Variants in SYN3 observed in about 807,000 individuals in gnomAD.
SYN3 encodes synapsin-3.
In SYN3, 35 loss-of-function variants were observed where a neutral mutation model predicts 65.8. The observed-to-expected ratio is 0.53, with a 90% CI of 0.41 to 0.70. The LOEUF (loss-of-function observed/expected upper bound fraction) is 0.70, where lower values mean the gene tolerates loss of function less well. Ranked by LOEUF, SYN3 falls within the 30% of genes least tolerant of loss-of-function variation. SYN3 has a pLI of 0.00. For synonymous variants in SYN3, 270 were observed against 292.9 expected, an observed-to-expected ratio of 0.92 and a Z score of 0.80; for missense variants, 680 against 749.0, an observed-to-expected ratio of 0.91 and a Z score of 1.08.
At chr22:32,651,171 C>T (rs561585754) in intron 6 of SYN3, among the ~76,000 whole-genome samples, 1 of 152,278 alleles carries the variant, frequency 6.6e-6, no homozygotes, top group South Asian at 2.1e-4. Context: ...TTCTTGGGAC[C>T]TCACTAAGGA....
chr22:32,902,836 A>C (rs972198229), intron 4 of SYN3, among the ~76,000 whole-genome samples: 1 of 151,680 alleles, frequency 6.6e-6, no homozygotes. Flanking sequence ...AGAGTTTGCA[A>C]AACAGTATGC....
rs142803609 is a variant in SYN3, at chr22:32,650,258, CCT to C, written c.712-53524_712-53523del. On this transcript the variant is annotated intron_variant, in intron 6 of 13. Transcript: ENST00000358763. ...CCCTCCCTCCCTCCCTCCCTCCCTC[CCT>C]CTCTCTCTCTCTCTCTTTCTTTTTG... is the stretch of plus-strand genomic sequence containing the variant. 8.0e-3 allele frequency among the ~76,000 whole-genome samples: 687 copies of C among 85,904 alleles called. 23 individuals carry two copies. Among genetic ancestry groups the C allele is most frequent in the African/African-American group, 0.037 (621 of 16,594 alleles). The allele number at this position is 85,904 out of a possible 152,430, so 56.4% of individuals were successfully genotyped here.
rs145652357 is a variant in SYN3 at position 32,533,568 on chromosome 22, G to A, written c.1095+225C>T. 3.7e-4 allele frequency among the ~76,000 whole-genome samples: 56 copies of A among 152,210 alleles called. 1 individual carries two copies. The East Asian group carries it at 9.9e-3, about 27-fold the overall frequency. ...TGGGTTGGGGATGTTGTTCAACCTC[G>A]GGCCCTGAGGTCTCCCGACTCAGTT... On this transcript the variant is annotated intron_variant, in intron 10 of 13. Transcript: ENST00000358763.
intron 4 of SYN3, among the ~76,000 whole-genome samples, chr22:32,897,907 A>G (rs2049641885): frequency 6.6e-6 from 1 of 151,022 alleles, no homozygotes; most frequent in Non-Finnish European, 1.5e-5. Flanking sequence ...GCAGCCTTGA[A>G]CTCCTGGGCT....
chr22:32,862,207 T>C (rs1183456085), intron 6 of SYN3: 1 of 152,228 alleles, frequency 6.6e-6, no homozygotes, highest in Non-Finnish European at 1.5e-5. Context: ...GAAGCCATGA[T>C]TTTCCTAAGA....
At chr22:32,799,393 T>C (rs1006901874) in intron 6 of SYN3, among the ~76,000 whole-genome samples, 19 of 152,226 alleles carry the variant, frequency 1.2e-4, no homozygotes, top group African/African-American at 4.3e-4. Flanking sequence ...CAGATTATAC[T>C]TGTGCTTTCA....
At chr22:32,790,242 AG>A (rs1389036999) in intron 6 of SYN3, among the ~76,000 whole-genome samples, 1 of 152,220 alleles carries the variant, frequency 6.6e-6, no homozygotes, top group African/African-American at 2.4e-5. Context: ...TCCTAAATGC[AG>A]TAGCACATCA....
intron 6 of SYN3, among the ~76,000 whole-genome samples, chr22:32,600,081 A>C (rs1160461392): frequency 6.6e-6 from 1 of 152,164 alleles, no homozygotes; most frequent in Non-Finnish European, 1.5e-5. Flanking sequence ...TTTATTGTGC[A>C]TTTTATTTCT....
intron 2 of SYN3, among the ~76,000 whole-genome samples, chr22:32,995,952 T>C (rs375393205): frequency 3.0e-4 from 45 of 151,930 alleles, no homozygotes; most frequent in African/African-American, 9.9e-4. Context: ...CATCCGGCCT[T>C]TTTTTTTCCC....
chr22:32,518,504 G>T (rs940727842), intron 12 of SYN3, 170 bp from the exon 13 acceptor site: 3 of 803,554 alleles, frequency 3.7e-6, no homozygotes, highest in Non-Finnish European at 6.3e-6. Flanking sequence ...GGAACATTAA[G>T]ATACATCTGT....
At chr22:32,808,453 C>T (rs1601408588) in intron 6 of SYN3, among the ~76,000 whole-genome samples, 1 of 152,088 alleles carries the variant, frequency 6.6e-6, no homozygotes, top group East Asian at 1.9e-4. Context: ...GCTGGGGTCT[C>T]ATTATTATGG....
At chr22:32,758,867 G>A (rs1033991372) in intron 6 of SYN3, among the ~76,000 whole-genome samples, 2 of 150,716 alleles carry the variant, frequency 1.3e-5, no homozygotes, top group African/African-American at 4.9e-5. Flanking sequence ...TGGGTAGCAG[G>A]ACAGCTGTTG....
chr22:32,768,689 G>A (rs1052324606), intron 6 of SYN3, among the ~76,000 whole-genome samples: 5 of 152,000 alleles, frequency 3.3e-5, no homozygotes, highest in African/African-American at 1.2e-4. Flanking sequence ...TCTGAACATG[G>A]CTGGAGAAAA....
In SYN3 at chr22:32,927,263, C is replaced by CT. The variant is rs5845052; in HGVS notation, c.461+4126dup. Reference sequence around the variant, plus strand: ...TTAAAGCCTGCTATTAATATATTTACTTTTTTTTTTTTTTTTTTGAGACAA... The same window carrying CT: ...TTAAAGCCTGCTATTAATATATTTACTTTTTTTTTTTTTTTTTTTGAGACAA... On this transcript the variant is annotated intron_variant, in intron 4 of 13. Coordinates refer to ENST00000358763, the MANE Select transcript of SYN3 (RefSeq NM_003490.4). 5.2e-3 allele frequency among the ~76,000 whole-genome samples: 659 copies of CT among 125,544 alleles called. 6 individuals carry two copies. The highest frequency in any genetic ancestry group is 0.012 in the South Asian group (46 of 3,796). 82.4% of individuals were successfully genotyped at this position (125,544 alleles called of 152,430 possible).
At chr22:32,876,026 A>G (rs1417557547) in intron 4 of SYN3, among the ~76,000 whole-genome samples, 1 of 152,158 alleles carries the variant, frequency 6.6e-6, no homozygotes, top group African/African-American at 2.4e-5. Context: ...ACTTCCTAAA[A>G]CAACAACCCT....
intron 6 of SYN3, among the ~76,000 whole-genome samples, chr22:32,628,743 C>T (rs1347597088): frequency 3.3e-5 from 5 of 150,428 alleles, no homozygotes; most frequent in Admixed American, 2.0e-4. Context: ...AGCGAGACTT[C>T]GTCTAAAAAA....
Position 33,014,213 on chromosome 22 carries a change from G to C in SYN3, c.-162-7389C>G, listed in dbSNP as rs1601906990. ...TACATGCATAAGCCAATGGGTCCTA[G>C]CTTCCCCCTCCTTTTAAGGCTGAAT... On this transcript the variant is annotated intron_variant, in intron 1 of 13. Coordinates refer to ENST00000358763, the MANE Select transcript of SYN3 (RefSeq NM_003490.4). Among the ~76,000 whole-genome samples, 3 of 152,200 alleles carry C rather than the reference G, an allele frequency of 2.0e-5. 1 individual carries two copies. In the South Asian group the frequency reaches 6.2e-4, roughly 32 times the overall value.
chr22:32,611,939 G>A (rs2059451281), intron 6 of SYN3, among the ~76,000 whole-genome samples: 1 of 152,114 alleles, frequency 6.6e-6, no homozygotes, highest in African/African-American at 2.4e-5. Flanking sequence ...AGGAGAGATG[G>A]GATAGAGATT....
intron 3 of SYN3, among the ~76,000 whole-genome samples, chr22:32,956,365 A>G (rs577827494): frequency 1.3e-5 from 2 of 152,128 alleles, no homozygotes; most frequent in South Asian, 4.2e-4. Flanking sequence ...CATGTTGGTC[A>G]GGCTGGTCTC....
Sources: gnomAD v4.1 joint callset for allele counts (sites outside exome capture counted in the v4.1 genomes callset) on GRCh38, gnomAD v4.1.1 for gene constraint, MANE v1.5 for transcripts, NCBI Gene and HGNC (gene_info 2026-07-23, HGNC 2026-07-21) for gene names.